Variants in UCHL5 observed in about 807,000 individuals in gnomAD.
UCHL5 encodes ubiquitin C-terminal hydrolase L5, also known as ubiquitin carboxyl-terminal hydrolase isozyme L5.
A neutral mutation model predicts 53.8 loss-of-function variants in UCHL5; 34 were observed. The observed-to-expected ratio is 0.63, with a 90% CI of 0.48 to 0.84. UCHL5 has a LOEUF of 0.84. UCHL5 is among the 40% of genes least tolerant of loss of function. The pLI, the probability that UCHL5 is intolerant of heterozygous loss-of-function variation, is 0.00. For synonymous variants in UCHL5, 111 were observed against 126.3 expected, an observed-to-expected ratio of 0.88 and a Z score of 0.81; for missense variants, 290 against 385.6, an observed-to-expected ratio of 0.75 and a Z score of 2.08.
At position 193,059,072 on chromosome 1, in the gene UCHL5, C is replaced by T; in HGVS notation, c.76+113G>A. On this transcript the variant is annotated intron_variant, in intron 1 of 10. Coordinates refer to ENST00000367454, the MANE Select transcript of UCHL5 (RefSeq NM_001199261.3). This position sits in a 1 kb window ranked among gnomAD's most constrained non-coding sequence, Gnocchi z 4.9. ...ATTTCCCCCACCCGGACTCCAGGTT[C>T]CTGAAGTCACCTCTCCAGACGCGGG... 1 of 1,128,432 alleles carries T rather than the reference C, an allele frequency of 8.9e-7. No homozygotes were observed. The highest frequency in any genetic ancestry group is 1.2e-6 in the Non-Finnish European group (1 of 811,436). The allele number at this position is 1,128,432 out of a possible 1,614,324, so 69.9% of individuals were successfully genotyped here.
chr1:193,040,926 A>G (rs1244593317), intron 3 of UCHL5, among the ~76,000 whole-genome samples: 1 of 152,202 alleles, frequency 6.6e-6, no homozygotes, highest in Admixed American at 6.5e-5. Context: ...CTCACATGTG[A>G]AAGCTAAAAC....
chr1:193,014,248 C>T lies in UCHL5; in HGVS notation c.*2103G>A, dbSNP rs911665940. ...CAAGTCACACTTCTTTATTCACAGA[C>T]AGAAGTAATCATGAAGTATCACAAG... On this transcript the variant is annotated 3_prime_UTR_variant, in exon 11 of 11. Coordinates refer to ENST00000367454, the MANE Select transcript of UCHL5 (RefSeq NM_001199261.3). 5.9e-5 allele frequency: 9 copies of T among 151,954 alleles called. No individual in the cohort carries two copies. Among genetic ancestry groups the T allele is most frequent in the African/African-American group, 2.2e-4 (9 of 41,382 alleles). 9.4% of individuals were successfully genotyped at this position (151,954 alleles called of 1,614,324 possible).
chr1:193,025,846 A>G (rs1659000976), intron 7 of UCHL5, among the ~76,000 whole-genome samples: 2 of 152,204 alleles, frequency 1.3e-5, no homozygotes, highest in South Asian at 4.1e-4. Flanking sequence ...TAGTTAAAAC[A>G]ATTTTGAAGA....
intron 3 of UCHL5, among the ~76,000 whole-genome samples, chr1:193,048,632 CTG>C (rs1390574195): frequency 1.3e-5 from 2 of 152,208 alleles, no homozygotes; most frequent in African/African-American, 4.8e-5. Flanking sequence ...AACTACACAT[CTG>C]TGTGAGACAG....
intron 8 of UCHL5, 117 bp downstream of exon 8, chr1:193,023,727 G>T: frequency 1.3e-6 from 1 of 744,180 alleles, no homozygotes; most frequent in Non-Finnish European, 2.2e-6. Context: ...CCTGAATCCA[G>T]TGTGTATTCG....
chr1:193,049,938 A>G, intron 2 of UCHL5, 87 bp from the exon 3 acceptor site: 1 of 1,118,694 alleles, frequency 8.9e-7, no homozygotes, highest in Non-Finnish European at 1.2e-6. Flanking sequence ...TCAGTTATCT[A>G]ACAAATATAA....
chr1:193,059,908 C>G (rs1221319040), upstream of UCHL5: 1 of 1,365,932 alleles, frequency 7.3e-7, no homozygotes, highest in Non-Finnish European at 9.8e-7. This position sits in a 1 kb window ranked among gnomAD's most constrained non-coding sequence, Gnocchi z 4.9. Flanking sequence ...GAAACTATCG[C>G]TCTTCCCCGT....
chr1:193,026,132 A>G (rs966243321), intron 7 of UCHL5, among the ~76,000 whole-genome samples: 47 of 152,066 alleles, frequency 3.1e-4, no homozygotes, highest in Non-Finnish European at 5.0e-4. Flanking sequence ...ATGTCATACC[A>G]TATACAAAAA....
intron 3 of UCHL5, among the ~76,000 whole-genome samples, chr1:193,038,204 C>G (rs1664251784): frequency 6.6e-6 from 1 of 152,156 alleles, no homozygotes; most frequent in South Asian, 2.1e-4. Flanking sequence ...CGCCTGTAAT[C>G]ACAGCACTTT....
rs997801884 is a variant in UCHL5 at position 193,012,518 on chromosome 1, T to C, written c.*3833A>G. The stretch of plus-strand genomic sequence containing the variant: ...TATATGCCTATATGCAATCCACTTG[T>C]ACAGTGTTAGTTCAGTACTAGAGAA... On this transcript the variant is annotated 3_prime_UTR_variant, in exon 11 of 11. Transcript: ENST00000367454. The C allele has an allele frequency of 6.6e-6, 1 of 152,238 alleles. No individual in the cohort carries two copies. The highest frequency in any genetic ancestry group is 1.5e-5 in the Non-Finnish European group (1 of 68,044). 9.4% of individuals were successfully genotyped at this position (152,238 alleles called of 1,614,324 possible). A position where few individuals can be genotyped will look rare whatever the true frequency, so the allele number is the denominator to read the frequency against.
rs779376462 is a variant in UCHL5 at position 193,020,321 on chromosome 1, T to C, written c.942+776A>G. 5 of 1,546,814 alleles carry C rather than the reference T, an allele frequency of 3.2e-6. No homozygotes were observed. The South Asian group carries it at 6.0e-5, about 18-fold the overall frequency. On this transcript the variant is annotated intron_variant, in intron 10 of 10. Transcript: ENST00000367454. ...AATATACCTACCATGTATTCTCGTC[T>C]TTAAGTTAATGGTCCAAAATTTTAT...
intron 10 of UCHL5, among the ~76,000 whole-genome samples, chr1:193,019,003 T>C (rs1039026264): frequency 1.3e-5 from 2 of 151,646 alleles, no homozygotes; most frequent in African/African-American, 4.8e-5. Context: ...TAAATTTGCA[T>C]TTATCTGCAG....
chr1:193,020,473 T>C (rs1216311544), intron 10 of UCHL5: 2 of 1,529,798 alleles, frequency 1.3e-6, no homozygotes, highest in East Asian at 2.5e-5. Context: ...AGGGGCCAGG[T>C]AACATGTATT....
In UCHL5 at chr1:193,020,411, T is replaced by A. The variant is rs1656535906; in HGVS notation, c.942+686A>T. 2.6e-6 allele frequency: 4 copies of A among 1,546,574 alleles called. No homozygotes were observed. The East Asian group carries it at 9.8e-5, about 38-fold the overall frequency. On this transcript the variant is annotated intron_variant, in intron 10 of 10. Coordinates refer to ENST00000367454, the MANE Select transcript of UCHL5 (RefSeq NM_001199261.3). ...GGTACACAGACCAGTTGCATTAGAA[T>A]CACTTGGGGAACTTATTAAAGAATC...
chr1:193,018,474 A>G, intron 10 of UCHL5: 2 of 950,178 alleles, frequency 2.1e-6, no homozygotes, highest in Non-Finnish European at 2.5e-6. Context: ...AAGAAGTTTT[A>G]TAACTATATA....
intron 1 of UCHL5, among the ~76,000 whole-genome samples, chr1:193,054,132 C>T (rs1669935261): frequency 6.6e-6 from 1 of 151,926 alleles, no homozygotes; most frequent in East Asian, 1.9e-4. Flanking sequence ...CGGGTGCTAA[C>T]GTTAAAATGC....
At chr1:193,026,228 T>C (rs1452282711) in intron 7 of UCHL5, among the ~76,000 whole-genome samples, 2 of 151,978 alleles carry the variant, frequency 1.3e-5, no homozygotes, top group Admixed American at 6.6e-5. Flanking sequence ...AATTTTGGTA[T>C]CTACACCGAG....
upstream of UCHL5, chr1:193,059,853 T>C (rs748286548): frequency 1.1e-5 from 15 of 1,363,180 alleles, no homozygotes; most frequent in South Asian, 1.5e-4. The surrounding 1 kb of genome is among the most constrained non-coding windows in gnomAD (Gnocchi z 4.9). Flanking sequence ...CAGTCCTCCA[T>C]GTCTCTCACC....
upstream of UCHL5, chr1:193,059,499 T>C: frequency 6.3e-7 from 1 of 1,596,964 alleles, no homozygotes; most frequent in Non-Finnish European, 8.5e-7. This position sits in a 1 kb window ranked among gnomAD's most constrained non-coding sequence, Gnocchi z 4.9. Flanking sequence ...CCGTAGCGGA[T>C]TCGGAAGGGC....
Sources: gnomAD v4.1 joint callset for allele counts (sites outside exome capture counted in the v4.1 genomes callset) on GRCh38, gnomAD v4.1.1 for gene constraint, Gnocchi (gnomAD v3.1) non-coding constraint, MANE v1.5 for transcripts, NCBI Gene and HGNC (gene_info 2026-07-23, HGNC 2026-07-21) for gene names.